SGIP1: variants seen among roughly 807,000 people sequenced by gnomAD.
The protein encoded by SGIP1 is SH3GL interacting endocytic adaptor 1.
Under a neutral mutation model 107.5 loss-of-function variants are expected in SGIP1, and 38 were observed. That is an observed-to-expected ratio of 0.35 (90% CI 0.27 to 0.46). The LOEUF (loss-of-function observed/expected upper bound fraction) is 0.46. Ranked by LOEUF, SGIP1 falls within the 20% of genes least tolerant of loss-of-function variation. SGIP1 has a pLI of 1.00. For synonymous variants in SGIP1, 365 were observed against 366.1 expected (o/e 1.00, Z 0.03); for missense variants, 929 against 1,019.5 (o/e 0.91, Z 1.21).
chr1:66,708,142 C>T (rs1251781909), intron 18 of SGIP1, among the ~76,000 whole-genome samples: 1 of 152,028 alleles, frequency 6.6e-6, no homozygotes, highest in Non-Finnish European at 1.5e-5. Context: ...GTCCCAGCTC[C>T]CCTACTTACT....
chr1:66,644,551 T>C (rs1256683370), intron 7 of SGIP1, among the ~76,000 whole-genome samples: 1 of 129,362 alleles, frequency 7.7e-6, no homozygotes, highest in Non-Finnish European at 1.6e-5. Flanking sequence ...CTTGGCATCT[T>C]CTTTAGAGAG....
At position 66,550,234 on chromosome 1, in the gene SGIP1, T is replaced by G. The variant is rs148974079; in HGVS notation, c.10+15866T>G. Among the ~76,000 whole-genome samples, 591 of 152,270 alleles carry G rather than the reference T, an allele frequency of 3.9e-3. 3 individuals are homozygous for G. The highest frequency in any genetic ancestry group is 0.014 in the African/African-American group (576 of 41,566). On this transcript the variant is annotated intron_variant, in intron 1 of 24. Coordinates refer to ENST00000371037, the MANE Select transcript of SGIP1 (RefSeq NM_032291.4). Reference sequence around the variant, plus strand: ...GAAATTATGGTTTATTTTTTATTTTTTATATTGTCAGTGCATATGTGTTAC... The same window carrying G: ...GAAATTATGGTTTATTTTTTATTTTGTATATTGTCAGTGCATATGTGTTAC...
chr1:66,544,594 C>T (rs181496089), intron 1 of SGIP1, among the ~76,000 whole-genome samples: 9 of 152,160 alleles, frequency 5.9e-5, no homozygotes, highest in East Asian at 3.9e-4. Context: ...GAGGCTGAGG[C>T]GGGAGAATCA....
chr1:66,544,507 C>T (rs953297271), intron 1 of SGIP1, among the ~76,000 whole-genome samples: 4 of 152,008 alleles, frequency 2.6e-5, no homozygotes, highest in Non-Finnish European at 5.9e-5. Context: ...GCCAACATGG[C>T]GAGACCCTGC....
At position 66,633,094 on chromosome 1, in the gene SGIP1, TGTAA is replaced by T; in HGVS notation, c.99+4_99+7del. 1 of 1,529,676 alleles carries T rather than the reference TGTAA, an allele frequency of 6.5e-7. No homozygotes were observed. The highest frequency in any genetic ancestry group is 9.1e-7 in the Non-Finnish European group (1 of 1,104,558). The allele number at this position is 1,529,676 out of a possible 1,614,324, so 94.8% of individuals were successfully genotyped here. A position where few individuals can be genotyped will look rare whatever the true frequency, so the allele number is the denominator to read the frequency against. Reference sequence around the variant, plus strand: ...GAGGTTCACCAGATAGAGATGGAATTGTAAGTATTTAAATAACCATTTTTACTGA... The same window carrying T: ...GAGGTTCACCAGATAGAGATGGAATTGTATTTAAATAACCATTTTTACTGA... On this transcript the variant is annotated splice_donor_variant and splice_donor_region_variant and intron_variant, in intron 3 of 24. Coordinates refer to ENST00000371037, the MANE Select transcript of SGIP1 (RefSeq NM_032291.4). LOFTEE classifies it high-confidence loss of function.
At chr1:66,699,293 T>C (rs1365744203) in intron 18 of SGIP1, among the ~76,000 whole-genome samples, 2 of 152,144 alleles carry the variant, frequency 1.3e-5, no homozygotes, top group Non-Finnish European at 2.9e-5. Flanking sequence ...GCCTTCCTGA[T>C]TGTGAGAGCA....
chr1:66,679,859 ACAATGTTGG>A, intron 14 of SGIP1, 107 bp downstream of exon 14: 1 of 1,012,010 alleles, frequency 9.9e-7, no homozygotes. Flanking sequence ...CAAAAACATC[ACAATGTTGG>A]CATTCAGTTT....
chr1:66,612,522 A>G (rs1468139716), intron 1 of SGIP1, among the ~76,000 whole-genome samples: 2 of 152,254 alleles, frequency 1.3e-5, no homozygotes, highest in Non-Finnish European at 2.9e-5. Flanking sequence ...GATGTATACT[A>G]TGACAGTTTA....
chr1:66,736,221 CAAAT>C (rs2094229625), intron 21 of SGIP1, among the ~76,000 whole-genome samples: 2 of 142,886 alleles, frequency 1.4e-5, no homozygotes, highest in South Asian at 4.3e-4. Context: ...AATATTTATA[CAAAT>C]ATTTTAAATA....
intron 15 of SGIP1, among the ~76,000 whole-genome samples, chr1:66,682,973 A>G (rs1323311061): frequency 6.6e-6 from 1 of 152,184 alleles, no homozygotes; most frequent in Non-Finnish European, 1.5e-5. Context: ...CTGTAATCCA[A>G]TCAAGCTGTC....
intron 21 of SGIP1, among the ~76,000 whole-genome samples, chr1:66,734,968 C>G (rs1277751554): frequency 6.6e-6 from 1 of 152,092 alleles, no homozygotes; most frequent in Non-Finnish European, 1.5e-5. Flanking sequence ...AGAACACTTT[C>G]CATTCACTTT....
chr1:66,732,065 C>T (rs539638954), intron 20 of SGIP1, among the ~76,000 whole-genome samples: 3 of 152,272 alleles, frequency 2.0e-5, no homozygotes, highest in African/African-American at 4.8e-5. Context: ...TATCACAGAC[C>T]TATGACAGCT....
At chr1:66,570,153 G>A (rs529842020) in intron 1 of SGIP1, among the ~76,000 whole-genome samples, 3 of 151,202 alleles carry the variant, frequency 2.0e-5, no homozygotes, top group Admixed American at 2.0e-4. Flanking sequence ...AGGTTTTATT[G>A]ATCTTTTCAA....
At chr1:66,539,455 G>A (rs1268468573) in intron 1 of SGIP1, among the ~76,000 whole-genome samples, 3 of 152,162 alleles carry the variant, frequency 2.0e-5, no homozygotes, top group Non-Finnish European at 2.9e-5. Context: ...TACATCTGCA[G>A]GATATTAGAA....
chr1:66,574,088 C>A lies in SGIP1; in HGVS notation c.10+39720C>A, dbSNP rs2060737669. On this transcript the variant is annotated intron_variant, in intron 1 of 24. Coordinates refer to ENST00000371037, the MANE Select transcript of SGIP1 (RefSeq NM_032291.4). The stretch of plus-strand genomic sequence containing the variant: ...CACATAACAATCCAATGCAGGTATT[C>A]CTGGTAGGTGAGGAGCCTCCCACGC... Among the ~76,000 whole-genome samples the A allele has an allele frequency of 3.9e-5, 6 of 152,220 alleles. No homozygotes were observed. In the South Asian group the frequency reaches 1.2e-3, roughly 32 times the overall value.
At chr1:66,552,155 T>A (rs1345473559) in intron 1 of SGIP1, among the ~76,000 whole-genome samples, 2 of 152,150 alleles carry the variant, frequency 1.3e-5, no homozygotes, top group African/African-American at 4.8e-5. Flanking sequence ...ATGATGGGCT[T>A]GTTAAGAAAG....
intron 1 of SGIP1, among the ~76,000 whole-genome samples, chr1:66,616,487 C>CT (rs750767157): frequency 1.3e-5 from 2 of 152,066 alleles, no homozygotes; most frequent in Non-Finnish European, 2.9e-5. Context: ...TTACAAAAAC[C>CT]TTTTATGATA....
intron 1 of SGIP1, among the ~76,000 whole-genome samples, chr1:66,536,795 A>G (rs2053717659): frequency 6.6e-6 from 1 of 152,172 alleles, no homozygotes; most frequent in South Asian, 2.1e-4. Flanking sequence ...TCATCCACCC[A>G]AACACATTTC....
intron 1 of SGIP1, among the ~76,000 whole-genome samples, chr1:66,608,328 T>C (rs1046699276): frequency 6.6e-6 from 1 of 152,386 alleles, no homozygotes; most frequent in East Asian, 1.9e-4. Context: ...GATTAAGATG[T>C]ATCCTTTTAA....
Sources: gnomAD v4.1 joint callset for allele counts (sites outside exome capture counted in the v4.1 genomes callset) on GRCh38, gnomAD v4.1.1 for gene constraint, MANE v1.5 for transcripts, NCBI Gene and HGNC (gene_info 2026-07-23, HGNC 2026-07-21) for gene names.